The following SH3RF2 variants were observed in gnomAD, a reference collection of about 807,000 sequenced individuals.
The protein encoded by SH3RF2 is SH3 domain containing ring finger 2, also known as E3 ubiquitin-protein ligase SH3RF2.
Under a neutral mutation model 59.0 loss-of-function variants are expected in SH3RF2, and 43 were observed. The ratio of observed to expected loss-of-function variants is 0.73; its 90% confidence interval spans 0.57 to 0.94. SH3RF2 has a LOEUF of 0.94. Ranked by LOEUF, SH3RF2 falls within the 40% of genes least tolerant of loss-of-function variation. The pLI, the probability that SH3RF2 is intolerant of heterozygous loss-of-function variation, is 0.00. For missense variants in SH3RF2, 930 were observed against 940.1 expected (o/e 0.99, Z 0.14); for synonymous variants, 391 against 391.5 (o/e 1.00, Z 0.01).
At chr5:145,987,660 A>G (rs1759766900) in intron 2 of SH3RF2, among the ~76,000 whole-genome samples, 1 of 152,154 alleles carries the variant, frequency 6.6e-6, no homozygotes, top group African/African-American at 2.4e-5. Context: ...TATAAGTCTG[A>G]TCTTTGTTTC....
At chr5:146,049,856 A>G (rs929615359) in intron 7 of SH3RF2, among the ~76,000 whole-genome samples, 4 of 151,930 alleles carry the variant, frequency 2.6e-5, no homozygotes, top group African/African-American at 9.7e-5. Flanking sequence ...TCTTTGTCTT[A>G]CCACCTCATA....
chr5:146,052,629 T>A (rs1003551607), intron 7 of SH3RF2, among the ~76,000 whole-genome samples: 12 of 152,124 alleles, frequency 7.9e-5, no homozygotes, highest in Non-Finnish European at 1.6e-4. Context: ...TTTCACTGTG[T>A]TTATACTTTT....
intron 2 of SH3RF2, among the ~76,000 whole-genome samples, chr5:145,967,871 G>T (rs879543209): frequency 3.9e-5 from 6 of 152,110 alleles, no homozygotes; most frequent in Non-Finnish European, 7.4e-5. Context: ...TGTTGGCCAG[G>T]CTGGTCTCAA....
chr5:146,032,383 A>T (rs988009184), intron 5 of SH3RF2, among the ~76,000 whole-genome samples: 1 of 152,050 alleles, frequency 6.6e-6, no homozygotes. Flanking sequence ...TCAGAGGATT[A>T]AATTGGGTGG....
At chr5:146,013,163 A>G (rs2149992726) in intron 4 of SH3RF2, among the ~76,000 whole-genome samples, 1 of 152,360 alleles carries the variant, frequency 6.6e-6, no homozygotes, top group East Asian at 1.9e-4. Flanking sequence ...GAGCAACTTC[A>G]TTCACTCACT....
At chr5:146,055,828 A>G in intron 7 of SH3RF2, 153 bp from the exon 8 acceptor site, 1 of 822,944 alleles carries the variant, frequency 1.2e-6, no homozygotes, top group Admixed American at 2.5e-5. Flanking sequence ...TTAAGCCTGT[A>G]GTTCACAAAA....
At chr5:145,995,539 C>A (rs1378804252) in intron 2 of SH3RF2, among the ~76,000 whole-genome samples, 2 of 152,198 alleles carry the variant, frequency 1.3e-5, no homozygotes, top group Admixed American at 1.3e-4. Flanking sequence ...TCCTACTCAG[C>A]TTGGCTTACT....
At chr5:146,008,286 G>A (rs184488172) in intron 4 of SH3RF2, among the ~76,000 whole-genome samples, 1 of 152,284 alleles carries the variant, frequency 6.6e-6, no homozygotes, top group East Asian at 1.9e-4. Flanking sequence ...CAGAGGACAG[G>A]GCAGACGCAG....
At chr5:146,061,897 G>A (rs374220950) in intron 9 of SH3RF2, among the ~76,000 whole-genome samples, 133 of 152,108 alleles carry the variant, frequency 8.7e-4, no homozygotes, top group African/African-American at 3.0e-3. Context: ...TTGGCGAGTC[G>A]ATCAAACCCT....
intron 2 of SH3RF2, among the ~76,000 whole-genome samples, chr5:145,951,759 G>T (rs1373235234): frequency 1.3e-5 from 2 of 152,178 alleles, no homozygotes; most frequent in African/African-American, 4.8e-5. Context: ...GGCAACTCAG[G>T]AGGGTTGCAT....
chr5:146,004,753 T>C (rs1171892062), intron 4 of SH3RF2, among the ~76,000 whole-genome samples: 5 of 152,200 alleles, frequency 3.3e-5, no homozygotes, highest in South Asian at 4.1e-4. Context: ...ATGTTCAATA[T>C]TATGGAAAGA....
intron 5 of SH3RF2, among the ~76,000 whole-genome samples, chr5:146,041,301 C>T (rs1762117642): frequency 1.3e-5 from 2 of 152,162 alleles, no homozygotes; most frequent in Admixed American, 6.5e-5. Flanking sequence ...CCTGATCTTC[C>T]CCGACCCCAA....
chr5:146,000,514 ATATG>A (rs1760368077), intron 3 of SH3RF2, among the ~76,000 whole-genome samples, 187 bp downstream of exon 3: 1 of 152,204 alleles, frequency 6.6e-6, no homozygotes, highest in African/African-American at 2.4e-5. Flanking sequence ...TAGTGCATAT[ATATG>A]TAATATGTGT....
intron 9 of SH3RF2, among the ~76,000 whole-genome samples, 180 bp downstream of exon 9, chr5:146,060,404 T>A (rs903164003): frequency 8.6e-5 from 13 of 152,036 alleles, no homozygotes; most frequent in Non-Finnish European, 1.6e-4. Context: ...ATCCCCAACA[T>A]CACCCACGCC....
chr5:146,063,869 A>AAAAG (rs10694376), downstream of SH3RF2, among the ~76,000 whole-genome samples: 6,671 of 152,206 alleles, frequency 0.044, 457 homozygotes, highest in African/African-American at 0.15. Context: ...AAAAAAAGAA[A>AAAAG]AAAGAAAAAA....
chr5:145,985,162 GA>G (rs77727455), intron 2 of SH3RF2, among the ~76,000 whole-genome samples: 19,366 of 152,054 alleles, frequency 0.13, 1,381 homozygotes, highest in East Asian at 0.25. Context: ...TCTCAAAAAA[GA>G]AAAAAGTCTT....
chr5:145,940,036 C>T (rs1757756781), intron 2 of SH3RF2, among the ~76,000 whole-genome samples: 1 of 152,146 alleles, frequency 6.6e-6, no homozygotes, highest in Non-Finnish European at 1.5e-5. Context: ...TTCTCAGGGC[C>T]CTTCTGGCAC....
rs866252739 is a variant in SH3RF2, at chr5:146,013,891, G to C, written c.889G>C (p.Gly297Arg). 2 of 1,614,132 alleles carry C rather than the reference G, an allele frequency of 1.2e-6. No individual in the cohort carries two copies. Among genetic ancestry groups the C allele is most frequent in the Middle Eastern group, 1.6e-4 (1 of 6,062 alleles). The change falls in exon 5 of 10, where the codon GGG (glycine) becomes CGG (arginine). Residue 297 changes from glycine to arginine, a missense_variant. Coordinates refer to ENST00000359120, the MANE Select transcript of SH3RF2 (RefSeq NM_152550.4). ...CCCAGGGTCCAGGAGGAAGGTGCCT[G>C]GGCAGTTTTCCATCACAACAGCCTT... is the stretch of plus-strand genomic sequence containing the variant. ...RGPGSRRKVP[G>R]QFSITTALNT...
chr5:146,049,020 C>T (rs764452269), intron 6 of SH3RF2, 55 bp from the exon 7 acceptor site: 15 of 1,596,654 alleles, frequency 9.4e-6, no homozygotes, highest in East Asian at 2.2e-5. Flanking sequence ...CCACTCCATG[C>T]CCCCCATCAG....
Sources: gnomAD v4.1 joint callset for allele counts (sites outside exome capture counted in the v4.1 genomes callset) on GRCh38, gnomAD v4.1.1 for gene constraint, MANE v1.5 for transcripts, NCBI Gene and HGNC (gene_info 2026-07-23, HGNC 2026-07-21) for gene names.